The following FNBP4 variants were observed in gnomAD, a reference collection of about 807,000 sequenced individuals.
The protein encoded by FNBP4 is formin binding protein 4.
In FNBP4, 34 loss-of-function variants were observed where a neutral mutation model predicts 119.3. The ratio of observed to expected loss-of-function variants is 0.28; its 90% confidence interval spans 0.22 to 0.38. FNBP4 has a LOEUF of 0.38. FNBP4 is among the 10% of genes least tolerant of loss of function. The pLI is 1.00. For synonymous variants in FNBP4, 462 were observed against 430.6 expected (o/e 1.07, Z -0.90); for missense variants, 1,112 against 1,228.9 (o/e 0.90, Z 1.42).
chr11:47,750,688 C>CAAAAAAA (rs67153479), intron 6 of FNBP4, among the ~76,000 whole-genome samples: 25 of 68,070 alleles, frequency 3.7e-4, no homozygotes, highest in African/African-American at 1.5e-3. Flanking sequence ...GACTCTGTCT[C>CAAAAAAA]AAAAAAAAAA....
chr11:47,734,089 A>T lies in FNBP4; in HGVS notation c.1622T>A (p.Phe541Tyr). Residue 541 changes from phenylalanine to tyrosine, a missense_variant, in exon 10 of 17, where the codon TTC (phenylalanine) becomes TAC (tyrosine). Physicochemically the swap from Phe to Tyr is conservative, Grantham distance 22. Around this residue, in one of 2 missense-constraint regions of FNBP4, gnomAD observed 826 missense variants for 988.8 expected, o/e 0.84. Transcript: ENST00000263773. ...GELANTLTSK[F>Y]EFLGINRQSI... ...TTGTCTATTAATGCCTAGAAACTCGAATTTACTTGTCAGGGTATTTGCCAG... is the reference window on the plus strand; with the variant it reads ...TTGTCTATTAATGCCTAGAAACTCGTATTTACTTGTCAGGGTATTTGCCAG... 1 of 1,599,634 alleles carries T rather than the reference A, an allele frequency of 6.3e-7. No individual in the cohort carries two copies. The highest frequency in any genetic ancestry group is 8.5e-7 in the Non-Finnish European group (1 of 1,176,818).
At chr11:47,758,144 G>A (rs183506949) in intron 2 of FNBP4, among the ~76,000 whole-genome samples, 5 of 152,036 alleles carry the variant, frequency 3.3e-5, no homozygotes, top group African/African-American at 1.2e-4. Flanking sequence ...GAACTGGTGC[G>A]ATCACAGCTC....
rs1437662155 is a variant in FNBP4, at chr11:47,721,182, G to A, written c.2806-1096C>T. 1.4e-4 allele frequency among the ~76,000 whole-genome samples: 22 copies of A among 151,766 alleles called. No homozygotes were observed. The South Asian group carries it at 3.7e-3, about 26-fold the overall frequency. On this transcript the variant is annotated intron_variant, in intron 15 of 16. Transcript: ENST00000263773. ...TAAAAATACAAAACATAAGCCTGGC[G>A]TGGTGGTGGGCGCCTGTAGTCCCAG... is the stretch of plus-strand genomic sequence containing the variant.
chr11:47,755,845 A>G (rs756659974), intron 2 of FNBP4, among the ~76,000 whole-genome samples: 2 of 152,084 alleles, frequency 1.3e-5, no homozygotes, highest in Non-Finnish European at 2.9e-5. Flanking sequence ...ATTAATCTGC[A>G]TAGTTATTTC....
chr11:47,745,039 CTTACT>C (rs1337488842), intron 7 of FNBP4, among the ~76,000 whole-genome samples: 1 of 152,178 alleles, frequency 6.6e-6, no homozygotes, highest in African/African-American at 2.4e-5. Flanking sequence ...TTATGCCTTT[CTTACT>C]TTAATCTCTT....
intron 15 of FNBP4, among the ~76,000 whole-genome samples, chr11:47,721,044 C>T (rs767932825): frequency 5.9e-5 from 9 of 151,862 alleles, no homozygotes; most frequent in South Asian, 2.1e-4. Flanking sequence ...TTAAAAATAT[C>T]GGCTGGGCAC....
rs1030567143 is a variant in FNBP4, at chr11:47,736,987, C to G, written c.1457-247G>C. On this transcript the variant is annotated intron_variant, in intron 8 of 16. Transcript: ENST00000263773. ...TTGGCATTTGGAGGTGAAAAGATCA[C>G]GAGGTCAGGAGATCGAGACCATCTT... 2.6e-5 allele frequency among the ~76,000 whole-genome samples: 4 copies of G among 152,100 alleles called. No individual in the cohort carries two copies. In the South Asian group the frequency reaches 8.3e-4, roughly 32 times the overall value.
chr11:47,765,566 A>ATGGGGGG (rs2097645681), intron 1 of FNBP4, among the ~76,000 whole-genome samples: 3 of 1,494 alleles, frequency 2.0e-3, no homozygotes, highest in African/African-American at 0.011. Flanking sequence ...GGAGGCCAAG[A>ATGGGGGG]CGGGGGGGGG....
chr11:47,753,146 A>C lies in FNBP4; in HGVS notation c.451-44T>G, dbSNP rs531922205. 40 of 1,497,136 alleles carry C rather than the reference A, an allele frequency of 2.7e-5. No homozygotes were observed. In the South Asian group the frequency reaches 5.0e-4, roughly 19 times the overall value. The allele number at this position is 1,497,136 out of a possible 1,614,324, so 92.7% of individuals were successfully genotyped here. A position where few individuals can be genotyped will look rare whatever the true frequency, so the allele number is the denominator to read the frequency against. On this transcript the variant is annotated intron_variant, in intron 3 of 16. Coordinates refer to ENST00000263773, the MANE Select transcript of FNBP4 (RefSeq NM_015308.5). ...AACAAATGCAGTAATTATATCAAAA[A>C]CAAGAAACTTAAGGAAATGGCAATC...
chr11:47,751,210 C>T lies in FNBP4; in HGVS notation c.718G>A (p.Glu240Lys). Residue 240 changes from glutamate to lysine, a missense_variant, in exon 5 of 17, where the codon GAA becomes AAA. By Grantham distance (56) the Glu-to-Lys change is moderately conservative (BLOSUM62 1). This residue lies in a region of FNBP4 where 826 missense variants were observed against 988.8 expected (regional missense o/e 0.84). Transcript: ENST00000263773. ...TATTGGGGTAACTCCCAAGTCACTT[C>T]ATTTGTTTGTGTATTCCAATAATAA... ...CYYYWNTQTN[E>K]VTWELPQYLA... is the part of the protein sequence containing the mutation. 6.2e-7 allele frequency: 1 copy of T among 1,614,136 alleles called. No homozygotes were observed. Among genetic ancestry groups the T allele is most frequent in the East Asian group, 2.2e-5 (1 of 44,886 alleles).
chr11:47,727,274 G>A (rs1269635510), intron 12 of FNBP4, among the ~76,000 whole-genome samples: 5 of 137,312 alleles, frequency 3.6e-5, no homozygotes, highest in Non-Finnish European at 8.0e-5. Flanking sequence ...TTTTGTGACG[G>A]AGTCTCACTC....
chr11:47,729,943 C>T, intron 12 of FNBP4: 1 of 985,408 alleles, frequency 1.0e-6, no homozygotes, highest in Non-Finnish European at 1.2e-6. Context: ...TGGCTTTTTC[C>T]TACACTACAA....
chr11:47,746,068 C>T lies in FNBP4; in HGVS notation c.1233G>A (p.Leu411=). 3 of 1,592,410 alleles carry T rather than the reference C, an allele frequency of 1.9e-6. No individual in the cohort carries two copies. The highest frequency in any genetic ancestry group is 2.6e-6 in the Non-Finnish European group (3 of 1,174,004). Residue 411 remains leucine (L), a synonymous_variant, in exon 7 of 17, where the codon TTG becomes TTA. Coordinates refer to ENST00000263773, the MANE Select transcript of FNBP4 (RefSeq NM_015308.5). ...TTCAAAAGCTTACTTTTTTCCTTTC[C>T]AAAACTAGCTCCAGTTCAAGGGTAT... ...EQDTLELELV[L]ERKKAELRAL... is the part of the protein sequence containing the mutation.
chr11:47,736,775 C>A (rs2097574737), intron 8 of FNBP4, 35 bp from the exon 9 acceptor site: 1 of 1,557,592 alleles, frequency 6.4e-7, no homozygotes, highest in Non-Finnish European at 8.8e-7. Context: ...AACCAAAGTA[C>A]CAATACTTAT....
rs552012058 is a variant in FNBP4 at position 47,717,497 on chromosome 11, T to C, written c.2979A>G (p.Arg993=). 1.0e-4 allele frequency: 162 copies of C among 1,612,598 alleles called. No homozygotes were observed. The highest frequency in any genetic ancestry group is 1.3e-4 in the Non-Finnish European group (153 of 1,179,454). Reference sequence around the variant, plus strand: ...CAGGAAGGGCTTCAAAATTAGCATTTCTCTCTGCCATGCCACTGTGAAAAC... The same window carrying C: ...CAGGAAGGGCTTCAAAATTAGCATTCCTCTCTGCCATGCCACTGTGAAAAC... ...QQQLVSGMAE[R]NANFEALPED... The change falls in exon 17 of 17, where the codon AGA becomes AGG. Residue 993 remains arginine, a synonymous_variant. Transcript: ENST00000263773.
rs545348658 is a variant in FNBP4 at position 47,749,957 on chromosome 11, G to A, written c.906+959C>T. Among the ~76,000 whole-genome samples, 137 of 152,240 alleles carry A rather than the reference G, an allele frequency of 9.0e-4. 2 individuals are homozygous for A. Among genetic ancestry groups the A allele is most frequent in the African/African-American group, 3.2e-3 (134 of 41,560 alleles). Reference sequence around the variant, plus strand: ...GTAGTTACCTTTATATTTTTAAAATGTCTTATATATGGAATCCGAAAAATA... The same window carrying A: ...GTAGTTACCTTTATATTTTTAAAATATCTTATATATGGAATCCGAAAAATA... On this transcript the variant is annotated intron_variant, in intron 6 of 16. Transcript: ENST00000263773.
In FNBP4 at chr11:47,724,059, T is replaced by C; in HGVS notation, c.2433A>G (p.Pro811=). 1 of 1,614,198 alleles carries C rather than the reference T, an allele frequency of 6.2e-7. No homozygotes were observed. Among genetic ancestry groups the C allele is most frequent in the Non-Finnish European group, 8.5e-7 (1 of 1,180,028 alleles). ...VQRSATIGSS[P]VLYSQSAIAT... The stretch of plus-strand genomic sequence containing the variant: ...CTATAGCTGACTGGCTATAGAGAAC[T>C]GGAGAACTGCCAATGGTAGCTGACC... Residue 811 remains proline (P), a synonymous_variant, in exon 14 of 17, where the codon CCA becomes CCG. Transcript: ENST00000263773.
intron 2 of FNBP4, among the ~76,000 whole-genome samples, chr11:47,760,280 G>A (rs1230557514): frequency 1.4e-5 from 1 of 72,362 alleles, no homozygotes; most frequent in African/African-American, 5.7e-5. Flanking sequence ...TTTTTTTTTT[G>A]AGACAGAGTC....
At chr11:47,755,376 G>A (rs2097614754) in intron 2 of FNBP4, among the ~76,000 whole-genome samples, 1 of 151,844 alleles carries the variant, frequency 6.6e-6, no homozygotes, top group African/African-American at 2.4e-5. Flanking sequence ...TTGAACTCGG[G>A]AGGCGGAGGT....
Sources: gnomAD v4.1 joint callset for allele counts (sites outside exome capture counted in the v4.1 genomes callset) on GRCh38, gnomAD v4.1.1 for gene constraint, gnomAD v4.1.1 regional missense constraint, MANE v1.5 for transcripts, NCBI Gene and HGNC (gene_info 2026-07-23, HGNC 2026-07-21) for gene names.